The following CDH12 variants were observed in gnomAD, a reference collection of about 807,000 sequenced individuals.
CDH12 encodes the protein cadherin 12.
Under a neutral mutation model 74.1 loss-of-function variants are expected in CDH12, and 41 were observed. The observed-to-expected ratio is 0.55, with a 90% CI of 0.43 to 0.72. CDH12 has a LOEUF of 0.72. Among genes scored for constraint, CDH12 ranks in the 30% least tolerant of loss-of-function variants. CDH12 has a pLI of 0.00. For missense variants in CDH12, 945 were observed against 977.2 expected (o/e 0.97, Z 0.44); for synonymous variants, 399 against 355.0 (o/e 1.12, Z -1.39).
intron 3 of CDH12, among the ~76,000 whole-genome samples, chr5:22,326,539 G>A (rs1739115058): frequency 6.6e-6 from 1 of 152,072 alleles, no homozygotes; most frequent in Non-Finnish European, 1.5e-5. Flanking sequence ...CCGGCCTCCA[G>A]GTTGGCTTTA....
chr5:22,088,045 A>C (rs1220764269), intron 4 of CDH12, among the ~76,000 whole-genome samples: 2 of 152,148 alleles, frequency 1.3e-5, no homozygotes, highest in African/African-American at 2.4e-5. Context: ...GTTAATCGGG[A>C]CTGAATTTAA....
intron 1 of CDH12, among the ~76,000 whole-genome samples, chr5:22,665,212 A>T (rs7727322): frequency 0.53 from 79,846 of 151,990 alleles, 21,695 homozygotes; most frequent in Non-Finnish European, 0.59. Context: ...TCCCATCACC[A>T]TCTTCTACCA....
At chr5:22,295,241 A>T (rs1335557314) in intron 3 of CDH12, among the ~76,000 whole-genome samples, 2 of 152,106 alleles carry the variant, frequency 1.3e-5, no homozygotes, top group African/African-American at 4.8e-5. Context: ...AATGAGTAAT[A>T]TATTGCTAGA....
intron 5 of CDH12, among the ~76,000 whole-genome samples, chr5:21,979,642 C>T (rs1237834674): frequency 6.6e-6 from 1 of 151,848 alleles, no homozygotes; most frequent in African/African-American, 2.4e-5. Context: ...CTTTTTATAC[C>T]ACTATTTCCA....
chr5:22,118,367 A>T (rs939009674), intron 4 of CDH12, among the ~76,000 whole-genome samples: 13 of 152,030 alleles, frequency 8.6e-5, no homozygotes, highest in African/African-American at 3.1e-4. Context: ...CCTTTTACAT[A>T]TCTCGGAAAT....
At chr5:22,771,349 T>C (rs976339629) in intron 1 of CDH12, among the ~76,000 whole-genome samples, 1 of 152,106 alleles carries the variant, frequency 6.6e-6, no homozygotes, top group Non-Finnish European at 1.5e-5. Flanking sequence ...CATGAACAAT[T>C]ATTAGCATAC....
intron 8 of CDH12, among the ~76,000 whole-genome samples, chr5:21,821,214 A>G (rs1263625216): frequency 4.0e-5 from 6 of 151,850 alleles, no homozygotes; most frequent in Admixed American, 1.3e-4. Context: ...GGTAGGGGAC[A>G]TGCATTGCTA....
At chr5:21,754,364 T>C (rs980879924) in intron 14 of CDH12, among the ~76,000 whole-genome samples, 1 of 152,188 alleles carries the variant, frequency 6.6e-6, no homozygotes. Flanking sequence ...GAGAAATACT[T>C]CATTTGATGT....
intron 1 of CDH12, among the ~76,000 whole-genome samples, chr5:22,557,645 A>G (rs1327413827): frequency 6.6e-6 from 1 of 152,082 alleles, no homozygotes; most frequent in Non-Finnish European, 1.5e-5. Context: ...TGTATATAGC[A>G]TATTTTATTC....
At chr5:22,327,691 A>G (rs1253260837) in intron 3 of CDH12, among the ~76,000 whole-genome samples, 2 of 152,146 alleles carry the variant, frequency 1.3e-5, no homozygotes, top group African/African-American at 4.8e-5. Flanking sequence ...CAAGTTCTAA[A>G]AACCTGTAAC....
chr5:22,590,021 G>A (rs535672541), intron 1 of CDH12, among the ~76,000 whole-genome samples: 18 of 152,078 alleles, frequency 1.2e-4, no homozygotes, highest in Non-Finnish European at 2.4e-4. Flanking sequence ...TCGATATATG[G>A]GAGCCTGAGG....
At chr5:21,928,651 CAA>C (rs964738000) in intron 6 of CDH12, among the ~76,000 whole-genome samples, 2 of 151,788 alleles carry the variant, frequency 1.3e-5, no homozygotes, top group African/African-American at 4.8e-5. Flanking sequence ...AAAATTCTAT[CAA>C]GAGTTTTTTT....
At chr5:22,677,062 G>A (rs947438270) in intron 1 of CDH12, among the ~76,000 whole-genome samples, 2 of 152,102 alleles carry the variant, frequency 1.3e-5, no homozygotes, top group East Asian at 1.9e-4. Context: ...GACAAAAAAA[G>A]TGCATAAATG....
intron 6 of CDH12, among the ~76,000 whole-genome samples, chr5:21,870,374 C>T (rs763288173): frequency 1.2e-4 from 19 of 152,082 alleles, no homozygotes; most frequent in Non-Finnish European, 2.5e-4. Flanking sequence ...GGGCAGGGAC[C>T]ATCCAATTAG....
At chr5:22,108,048 C>T (rs1744589663) in intron 4 of CDH12, among the ~76,000 whole-genome samples, 1 of 152,262 alleles carries the variant, frequency 6.6e-6, no homozygotes, top group Admixed American at 6.5e-5. Context: ...AAGAATAATG[C>T]ATGATATTGT....
chr5:21,997,949 G>C (rs186424415), intron 5 of CDH12, among the ~76,000 whole-genome samples: 11 of 152,204 alleles, frequency 7.2e-5, no homozygotes, highest in African/African-American at 2.6e-4. Flanking sequence ...CAAGTGATTT[G>C]AGGGATGAGA....
intron 2 of CDH12, among the ~76,000 whole-genome samples, chr5:22,424,090 C>A (rs1184191572): frequency 6.9e-6 from 1 of 145,822 alleles, no homozygotes; most frequent in African/African-American, 2.5e-5. Flanking sequence ...GAGGTATCCA[C>A]GAAAATTTAT....
At chr5:21,757,860 G>A (rs537401790) in intron 13 of CDH12, among the ~76,000 whole-genome samples, 1 of 152,174 alleles carries the variant, frequency 6.6e-6, no homozygotes, top group Non-Finnish European at 1.5e-5. Context: ...ATTGAATCTA[G>A]GGCATCTATC....
intron 3 of CDH12, among the ~76,000 whole-genome samples, chr5:22,391,343 A>T (rs1298417697): frequency 6.6e-6 from 1 of 152,230 alleles, no homozygotes; most frequent in East Asian, 1.9e-4. Flanking sequence ...CAAGGAAGTT[A>T]TTGTCATCTG....
Sources: gnomAD v4.1 joint callset for allele counts (sites outside exome capture counted in the v4.1 genomes callset) on GRCh38, gnomAD v4.1.1 for gene constraint, MANE v1.5 for transcripts, NCBI Gene and HGNC (gene_info 2026-07-23, HGNC 2026-07-21) for gene names.